ZNF335: variants seen among roughly 807,000 people sequenced by gnomAD.
ZNF335 encodes NRC-interacting factor 1.
Under a neutral mutation model 145.6 loss-of-function variants are expected in ZNF335, and 84 were observed. The observed-to-expected ratio is 0.58, with a 90% CI of 0.48 to 0.69. The LOEUF (loss-of-function observed/expected upper bound fraction) is 0.69. Among genes scored for constraint, ZNF335 ranks in the 30% least tolerant of loss-of-function variants. ZNF335 has a pLI of 0.00. For synonymous variants in ZNF335, 761 were observed against 717.0 expected (o/e 1.06, Z -0.98); for missense variants, 1,865 against 1,809.7 (o/e 1.03, Z -0.55).
chr20:45,948,849 C>T lies in ZNF335; in HGVS notation c.*104G>A. 1 of 1,550,472 alleles carries T rather than the reference C, an allele frequency of 6.4e-7. No individual in the cohort carries two copies. The highest frequency in any genetic ancestry group is 8.8e-7 in the Non-Finnish European group (1 of 1,134,952). Reference sequence around the variant, plus strand: ...CTGGGAATGAGAGGATGCTGGCTATCCAGTATCTGGAGATCCTAAATGAAG... The same window carrying T: ...CTGGGAATGAGAGGATGCTGGCTATTCAGTATCTGGAGATCCTAAATGAAG... On this transcript the variant is annotated 3_prime_UTR_variant, in exon 28 of 28. Coordinates refer to ENST00000322927, the MANE Select transcript of ZNF335 (RefSeq NM_022095.4).
chr20:45,968,412 AACAGGCC>A (rs2145417303), intron 3 of ZNF335, 50 bp from the exon 4 acceptor site: 2 of 1,562,946 alleles, frequency 1.3e-6, no homozygotes, highest in East Asian at 4.5e-5. Context: ...GGGTCCCAGC[AACAGGCC>A]CACCCCCATG....
rs759378008 is a variant in ZNF335 at position 45,960,852 on chromosome 20, C to A, written c.1665+12G>T. 4 of 1,613,944 alleles carry A rather than the reference C, an allele frequency of 2.5e-6. No individual in the cohort carries two copies. The highest frequency in any genetic ancestry group is 2.5e-6 in the Non-Finnish European group (3 of 1,179,968). On this transcript the variant is annotated intron_variant, in intron 11 of 27. Coordinates refer to ENST00000322927, the MANE Select transcript of ZNF335 (RefSeq NM_022095.4). ...GGCAGGTTCCCTTCCCAGGCCAGCA[C>A]GCCAGACTCACCGGATCTGGCCTCT...
At chr20:45,961,004 G>C (rs1294561832) in intron 10 of ZNF335, 122 bp from the exon 11 acceptor site, 2 of 1,328,662 alleles carry the variant, frequency 1.5e-6, no homozygotes, top group African/African-American at 1.5e-5. Context: ...CTTTCTCTTA[G>C]AATAGTGCTT....
intron 10 of ZNF335, among the ~76,000 whole-genome samples, chr20:45,961,292 G>A (rs1245721524): frequency 2.6e-5 from 4 of 152,174 alleles, no homozygotes; most frequent in Non-Finnish European, 5.9e-5. Flanking sequence ...TCGGAAGGCT[G>A]AAGCAGAAAG....
intron 17 of ZNF335, among the ~76,000 whole-genome samples, chr20:45,954,475 GGTAA>G (rs1305834855): frequency 2.0e-5 from 3 of 152,070 alleles, no homozygotes; most frequent in Non-Finnish European, 2.9e-5. Context: ...ATAAAACGTA[GGTAA>G]GTATTTTAGA....
At chr20:45,959,724 T>C (rs963463984) in intron 14 of ZNF335, among the ~76,000 whole-genome samples, 4 of 152,148 alleles carry the variant, frequency 2.6e-5, no homozygotes, top group African/African-American at 9.7e-5. Flanking sequence ...TGGCTCCTTT[T>C]CTGTAATCGC....
chr20:45,962,168 G>A lies in ZNF335; in HGVS notation c.1548C>T (p.Asn516=). ...ACTTGTAGGGCTTGCTGCCCACGTG[G>A]TTGAACATGTGCTCCTGGGAGACAG... ...RWSSLKEHMF[N]HVGSKPYKCD... The change falls in exon 10 of 28, where the codon AAC becomes AAT. Residue 516 remains asparagine (N), a synonymous_variant. Transcript: ENST00000322927. The A allele has an allele frequency of 6.2e-7, 1 of 1,614,092 alleles. No homozygotes were observed. The highest frequency in any genetic ancestry group is 8.5e-7 in the Non-Finnish European group (1 of 1,179,978).
At chr20:45,968,497 C>G (rs764349503) in intron 3 of ZNF335, 135 bp from the exon 4 acceptor site, 2 of 749,078 alleles carry the variant, frequency 2.7e-6, no homozygotes, top group Non-Finnish European at 2.2e-6. Context: ...GACTGCAAAC[C>G]AGCTGTGTCA....
Position 45,949,785 on chromosome 20 carries a change from T to C in ZNF335, c.3669+15A>G, listed in dbSNP as rs751447262. On this transcript the variant is annotated intron_variant, in intron 24 of 27. Coordinates refer to ENST00000322927, the MANE Select transcript of ZNF335 (RefSeq NM_022095.4). ...AGGTCACAGCTGAGGGGATTAACAG[T>C]AGCTAGTAGCTCACCTGGTTGTCGG... 4 of 1,613,940 alleles carry C rather than the reference T, an allele frequency of 2.5e-6. No individual in the cohort carries two copies. The highest frequency in any genetic ancestry group is 1.7e-4 in the Middle Eastern group (1 of 6,060).
At position 45,962,211 on chromosome 20, in the gene ZNF335, T is replaced by C. The variant is rs756092093; in HGVS notation, c.1534-29A>G. The C allele has an allele frequency of 5.0e-6, 8 of 1,589,778 alleles. No homozygotes were observed. The Admixed American group carries it at 8.3e-5, about 17-fold the overall frequency. ...GGAGACAGACAAAAGGATGGTGGGCTGGGGCTTGGCCTCCTCTCCCATCCC... is the reference window on the plus strand; with the variant it reads ...GGAGACAGACAAAAGGATGGTGGGCCGGGGCTTGGCCTCCTCTCCCATCCC... On this transcript the variant is annotated intron_variant, in intron 9 of 27. Transcript: ENST00000322927.
rs1333205681 is a variant in ZNF335 at position 45,968,334 on chromosome 20, ATCC to A, written c.468_470del (p.Glu156del). ...GGTACCGTGTGGTCTCGGCCCCGCC[ATCC>A]TCAGCACTGGTCACAGTGATGCAGT... is the stretch of plus-strand genomic sequence containing the variant. On this transcript the variant is annotated inframe_deletion, in exon 4 of 28. Coordinates refer to ENST00000322927, the MANE Select transcript of ZNF335 (RefSeq NM_022095.4). 6 of 1,612,890 alleles carry A rather than the reference ATCC, an allele frequency of 3.7e-6. No individual in the cohort carries two copies. The highest frequency in any genetic ancestry group is 5.1e-6 in the Non-Finnish European group (6 of 1,179,420).
intron 20 of ZNF335, among the ~76,000 whole-genome samples, chr20:45,951,609 A>C (rs998846379): frequency 6.6e-6 from 1 of 152,228 alleles, no homozygotes; most frequent in African/African-American, 2.4e-5. Context: ...TCGTATGCAC[A>C]GTTCACAATG....
rs529342729 is a variant in ZNF335 at position 45,949,305 on chromosome 20, A to T, written c.3819+28T>A. On this transcript the variant is annotated intron_variant, in intron 26 of 27. Transcript: ENST00000322927. ...GCCTGGAGAAACCTGCCTGTGCCCC[A>T]GGTCTCCCTGTCCCCCCACGGCCCT... is the stretch of plus-strand genomic sequence containing the variant. 10 of 1,614,024 alleles carry T rather than the reference A, an allele frequency of 6.2e-6. No homozygotes were observed. In the African/African-American group the frequency reaches 8.0e-5, roughly 13 times the overall value.
At chr20:45,957,707 C>CA (rs2083754705) in intron 16 of ZNF335, 27 bp from the exon 17 acceptor site, 1 of 1,613,458 alleles carries the variant, frequency 6.2e-7, no homozygotes, top group Middle Eastern at 1.7e-4. Context: ...CTAAGCCTGA[C>CA]AAAGTGCTAG....
intron 12 of ZNF335, 33 bp from the exon 13 acceptor site, chr20:45,960,558 C>T (rs1307247455): frequency 1.9e-6 from 3 of 1,613,806 alleles, no homozygotes. Context: ...AGATGGCGAT[C>T]ACCCTCCATC....
At chr20:45,972,081 G>A in intron 1 of ZNF335, 41 bp downstream of exon 1, 1 of 1,287,086 alleles carries the variant, frequency 7.8e-7, no homozygotes, top group African/African-American at 1.5e-5. Context: ...TCACTCCACG[G>A]CAGGGTACGG....
chr20:45,951,682 T>C (rs2083634664), intron 20 of ZNF335, among the ~76,000 whole-genome samples: 1 of 152,226 alleles, frequency 6.6e-6, no homozygotes, highest in Non-Finnish European at 1.5e-5. Context: ...GCAGTAGTGC[T>C]TGCCCACCTG....
Position 45,948,962 on chromosome 20 carries a change from G to A in ZNF335, c.4020C>T (p.Ala1340=), listed in dbSNP as rs781092251. Residue 1340 remains alanine (A), a synonymous_variant, in exon 28 of 28, where the codon GCC becomes GCT. Coordinates refer to ENST00000322927, the MANE Select transcript of ZNF335 (RefSeq NM_022095.4). ...GTTGGGCCCTCGGGGCTCAGTCATC[G>A]GCCAGGGTGATGACGTCGTACTCGA... is the stretch of plus-strand genomic sequence containing the variant. ...QGIEYDVITL[A]DD 1.5e-5 allele frequency: 25 copies of A among 1,613,756 alleles called. No homozygotes were observed. Among genetic ancestry groups the A allele is most frequent in the South Asian group, 1.5e-4 (14 of 91,084 alleles).
At chr20:45,966,541 C>T (rs1269232010) in intron 6 of ZNF335, among the ~76,000 whole-genome samples, 7 of 145,362 alleles carry the variant, frequency 4.8e-5, no homozygotes. Context: ...GACTCTGTTT[C>T]TTTTTCTTTC....
Sources: gnomAD v4.1 joint callset for allele counts (sites outside exome capture counted in the v4.1 genomes callset) on GRCh38, gnomAD v4.1.1 for gene constraint, MANE v1.5 for transcripts, NCBI Gene and HGNC (gene_info 2026-07-23, HGNC 2026-07-21) for gene names.